SPSB1: variants seen among roughly 807,000 people sequenced by gnomAD.
The protein encoded by SPSB1 is SPRY domain-containing SOCS box protein 1.
SPSB1 carries 8 observed loss-of-function variants against 21.2 expected under a neutral mutation model. The observed-to-expected ratio is 0.38, with a 90% CI of 0.22 to 0.68. The LOEUF (loss-of-function observed/expected upper bound fraction) is 0.68, where lower values mean the gene tolerates loss of function less well. Among genes scored for constraint, SPSB1 ranks in the 30% least tolerant of loss-of-function variants. SPSB1 has a pLI of 0.53. For missense variants in SPSB1, 242 were observed against 377.8 expected (o/e 0.64, Z 2.98); for synonymous variants, 169 against 161.7 (o/e 1.05, Z -0.34).
At chr1:9,361,156 C>CTTTTCTTTTTTTTTTTTTTTTTTT (rs1553128955) in intron 2 of SPSB1, among the ~76,000 whole-genome samples, 1 of 102,578 alleles carries the variant, frequency 9.7e-6, no homozygotes, top group African/African-American at 4.1e-5. Flanking sequence ...CTGTCATTTT[C>CTTTTCTTTTTTTTTTTTTTTTTTT]TTTTTTTTTT....
intron 1 of SPSB1, among the ~76,000 whole-genome samples, chr1:9,330,785 C>T (rs953784255): frequency 1.3e-5 from 2 of 151,930 alleles, no homozygotes; most frequent in African/African-American, 4.8e-5. Flanking sequence ...AGTTCAGTAG[C>T]GTTGAGTACA....
chr1:9,332,921 T>C (rs1231363375), intron 1 of SPSB1, among the ~76,000 whole-genome samples: 3 of 152,174 alleles, frequency 2.0e-5, no homozygotes, highest in Non-Finnish European at 4.4e-5. Context: ...GGAAGTGTGG[T>C]GGCAGCAGGA....
At chr1:9,300,829 T>A (rs1639315815) in intron 1 of SPSB1, among the ~76,000 whole-genome samples, 1 of 152,204 alleles carries the variant, frequency 6.6e-6, no homozygotes, top group African/African-American at 2.4e-5. Flanking sequence ...GCCCACTGCC[T>A]TCTCTCTCCA....
At chr1:9,343,665 C>T (rs1012626877) in intron 1 of SPSB1, among the ~76,000 whole-genome samples, 3 of 152,260 alleles carry the variant, frequency 2.0e-5, no homozygotes, top group Non-Finnish European at 2.9e-5. Flanking sequence ...CTGAGTATGC[C>T]GATACAGTTT....
chr1:9,301,618 T>C (rs1205189444), intron 1 of SPSB1, among the ~76,000 whole-genome samples: 1 of 152,114 alleles, frequency 6.6e-6, no homozygotes, highest in East Asian at 1.9e-4. Context: ...ATGACCTAGG[T>C]GGATTCTCGT....
rs1216660691 is a variant in SPSB1 at position 9,363,357 on chromosome 1, G to T, written c.695-4091G>T. Among the ~76,000 whole-genome samples the T allele has an allele frequency of 6.6e-6, 1 of 152,140 alleles. No individual in the cohort carries two copies. Among genetic ancestry groups the T allele is most frequent in the East Asian group, 1.9e-4 (1 of 5,204 alleles). On this transcript the variant is annotated intron_variant, in intron 2 of 2. Transcript: ENST00000328089. The surrounding 1 kb of genome is among the most constrained non-coding windows in gnomAD (Gnocchi z 4.5). ...CCATTCACTGCCACTTCTCTAGCCC[G>T]TCTTGGTGGATCCCATGACCCATCC... is the stretch of plus-strand genomic sequence containing the variant.
At position 9,317,826 on chromosome 1, in the gene SPSB1, C is replaced by T. The variant is rs1050863087; in HGVS notation, c.-150+24755C>T. ...GCCTTATGTAGGTGATTTCCGGTGG[C>T]GAGGGAACCAATTTTTTTTTTTTTT... On this transcript the variant is annotated intron_variant, in intron 1 of 2. Coordinates refer to ENST00000328089, the MANE Select transcript of SPSB1 (RefSeq NM_025106.4). The surrounding 1 kb of genome is among the most constrained non-coding windows in gnomAD (Gnocchi z 4.3). Among the ~76,000 whole-genome samples the T allele has an allele frequency of 5.0e-5, 7 of 140,618 alleles. No homozygotes were observed. Among genetic ancestry groups the T allele is most frequent in the Admixed American group, 3.0e-4 (4 of 13,146 alleles). 92.3% of individuals were successfully genotyped at this position (140,618 alleles called of 152,430 possible).
intron 1 of SPSB1, among the ~76,000 whole-genome samples, chr1:9,330,462 TC>T (rs1639895694): frequency 8.7e-6 from 1 of 114,870 alleles, no homozygotes; most frequent in South Asian, 3.2e-4. Flanking sequence ...CTAAATTCTG[TC>T]TCAAAATAAT....
intron 1 of SPSB1, among the ~76,000 whole-genome samples, chr1:9,309,656 AAC>A (rs1639484510): frequency 6.6e-6 from 1 of 152,140 alleles, no homozygotes; most frequent in South Asian, 2.1e-4. Flanking sequence ...CAGCCTGACC[AAC>A]ACAGTGAAAC....
chr1:9,311,122 G>A (rs1298767846), intron 1 of SPSB1, among the ~76,000 whole-genome samples: 4 of 148,768 alleles, frequency 2.7e-5, no homozygotes, highest in South Asian at 2.1e-4. Context: ...TTACCCCCAC[G>A]CCACTCTCAG....
chr1:9,365,516 A>C (rs763732105), intron 2 of SPSB1, among the ~76,000 whole-genome samples: 5 of 152,154 alleles, frequency 3.3e-5, no homozygotes, highest in Admixed American at 1.3e-4. Context: ...TATAATTCAC[A>C]TACCTTACAA....
At chr1:9,350,688 G>C (rs1017312635) in intron 1 of SPSB1, among the ~76,000 whole-genome samples, 2 of 152,240 alleles carry the variant, frequency 1.3e-5, no homozygotes, top group African/African-American at 4.8e-5. Flanking sequence ...CTGCAGGGCA[G>C]TACGAGCCAC....
chr1:9,297,153 G>A (rs1639238031), intron 1 of SPSB1, among the ~76,000 whole-genome samples: 1 of 152,178 alleles, frequency 6.6e-6, no homozygotes, highest in Non-Finnish European at 1.5e-5. Flanking sequence ...AACAAGCTCT[G>A]AATCTGACCT....
chr1:9,299,367 G>A (rs569686874), intron 1 of SPSB1, among the ~76,000 whole-genome samples: 4 of 152,292 alleles, frequency 2.6e-5, no homozygotes, highest in Non-Finnish European at 4.4e-5. Flanking sequence ...GGCTGGGCAC[G>A]GTGGCTCACT....
intron 1 of SPSB1, among the ~76,000 whole-genome samples, chr1:9,326,782 C>T (rs74526239): frequency 0.021 from 3,197 of 152,340 alleles, 85 homozygotes; most frequent in African/African-American, 0.067. Context: ...GAGGGGCCTT[C>T]CTCATTCCTG....
intron 1 of SPSB1, among the ~76,000 whole-genome samples, chr1:9,314,168 T>G (rs999986414): frequency 7.8e-6 from 1 of 128,476 alleles, no homozygotes; most frequent in African/African-American, 2.7e-5. Context: ...AGATTGAGAC[T>G]CTATCTCAAA....
At chr1:9,303,294 A>G (rs554712895) in intron 1 of SPSB1, among the ~76,000 whole-genome samples, 4 of 152,334 alleles carry the variant, frequency 2.6e-5, no homozygotes, top group African/African-American at 7.2e-5. Context: ...TCAGGAATGA[A>G]TGTTTGGGTC....
chr1:9,305,573 G>T lies in SPSB1; in HGVS notation c.-150+12502G>T, dbSNP rs906970637. On this transcript the variant is annotated intron_variant, in intron 1 of 2. Transcript: ENST00000328089. The surrounding 1 kb of genome is among the most constrained non-coding windows in gnomAD (Gnocchi z 4.8). ...CAGGGTCTGGGAGAGCTCGATGTGG[G>T]CCCAGGGTGTGGGTGCTGGGGGTGG... Among the ~76,000 whole-genome samples the T allele has an allele frequency of 6.6e-6, 1 of 152,196 alleles. No homozygotes were observed. The highest frequency in any genetic ancestry group is 2.4e-5 in the African/African-American group (1 of 41,462).
intron 2 of SPSB1, among the ~76,000 whole-genome samples, chr1:9,365,764 G>A (rs1246990885): frequency 4.6e-5 from 7 of 152,122 alleles, no homozygotes; most frequent in Non-Finnish European, 5.9e-5. Context: ...GGAGTTTTGC[G>A]GGTTCCTTTT....
Sources: gnomAD v4.1 joint callset for allele counts (sites outside exome capture counted in the v4.1 genomes callset) on GRCh38, gnomAD v4.1.1 for gene constraint, Gnocchi (gnomAD v3.1) non-coding constraint, MANE v1.5 for transcripts, NCBI Gene and HGNC (gene_info 2026-07-23, HGNC 2026-07-21) for gene names.